Variants in CEP112 observed in about 807,000 individuals in gnomAD.
CEP112 encodes the protein centrosomal protein of 112 kDa.
In CEP112, 127 loss-of-function variants were observed where a neutral mutation model predicts 153.0. That is an observed-to-expected ratio of 0.83 (90% CI 0.72 to 0.96). The LOEUF (loss-of-function observed/expected upper bound fraction) is 0.96. CEP112 is among the 40% of genes least tolerant of loss of function. The probability of loss-of-function intolerance (pLI) is 0.00; values close to 1 mark genes in which losing one functional copy is unlikely to be tolerated. For synonymous variants in CEP112, 358 were observed against 374.4 expected (o/e 0.96, Z 0.51); for missense variants, 1,089 against 1,101.2 (o/e 0.99, Z 0.16).
At chr17:65,662,702 C>T (rs1050295791) in intron 24 of CEP112, among the ~76,000 whole-genome samples, 5 of 152,016 alleles carry the variant, frequency 3.3e-5, no homozygotes, top group African/African-American at 9.7e-5. Flanking sequence ...CTTCAAATGG[C>T]AGAAAAAATT....
At chr17:66,101,590 C>T (rs1278844891) in intron 6 of CEP112, among the ~76,000 whole-genome samples, 1 of 151,036 alleles carries the variant, frequency 6.6e-6, no homozygotes, top group Non-Finnish European at 1.5e-5. Context: ...TACTGTTGTA[C>T]TATTCTTTTT....
At chr17:65,805,808 A>G (rs71379946) in intron 21 of CEP112, among the ~76,000 whole-genome samples, 4,049 of 152,328 alleles carry the variant, frequency 0.027, 95 homozygotes, top group Middle Eastern at 0.068. Flanking sequence ...ATTTTGCCAT[A>G]GAATCTCTCA....
intron 18 of CEP112, among the ~76,000 whole-genome samples, chr17:65,959,112 T>C (rs965228208): frequency 7.9e-5 from 12 of 151,812 alleles, no homozygotes; most frequent in African/African-American, 2.9e-4. Context: ...CAGCTGCAGA[T>C]AGGAGCAACC....
At chr17:66,037,981 G>C (rs2065806934) in intron 12 of CEP112, among the ~76,000 whole-genome samples, 1 of 151,828 alleles carries the variant, frequency 6.6e-6, no homozygotes, top group Non-Finnish European at 1.5e-5. Context: ...TGTCTGTGAA[G>C]GCTGACATAA....
intron 18 of CEP112, among the ~76,000 whole-genome samples, chr17:65,932,245 G>C (rs1051311470): frequency 1.3e-5 from 2 of 152,120 alleles, no homozygotes; most frequent in Non-Finnish European, 2.9e-5. Context: ...TCTTAGGCTA[G>C]ACTAAATATT....
At chr17:66,129,170 C>T (rs1228815312) in intron 6 of CEP112, among the ~76,000 whole-genome samples, 1 of 152,132 alleles carries the variant, frequency 6.6e-6, no homozygotes, top group African/African-American at 2.4e-5. Flanking sequence ...AGCTCCAATG[C>T]AACGCAGCCT....
chr17:66,077,177 C>T (rs1020486802), intron 8 of CEP112, among the ~76,000 whole-genome samples: 2 of 151,988 alleles, frequency 1.3e-5, no homozygotes, highest in African/African-American at 4.8e-5. Context: ...ACTAGCTCAC[C>T]AGCAATGGAT....
intron 19 of CEP112, 93 bp downstream of exon 19, chr17:65,927,488 TC>T: frequency 1.4e-6 from 1 of 693,156 alleles, no homozygotes; most frequent in Non-Finnish European, 2.4e-6. Flanking sequence ...AGTAATATTT[TC>T]ATTATGCAGA....
At chr17:66,132,882 A>G in intron 4 of CEP112, 119 bp from the exon 5 acceptor site, 1 of 741,158 alleles carries the variant, frequency 1.3e-6, no homozygotes, top group Admixed American at 2.3e-5. Context: ...ATTAACAATG[A>G]TGTTCCATAG....
intron 24 of CEP112, among the ~76,000 whole-genome samples, chr17:65,687,216 G>A (rs1254928542): frequency 7.1e-6 from 1 of 141,602 alleles, no homozygotes; most frequent in African/African-American, 2.7e-5. Flanking sequence ...TCCTAGGCTG[G>A]AGCGCAGTGG....
chr17:65,896,993 T>C (rs1409929642), intron 20 of CEP112, among the ~76,000 whole-genome samples: 1 of 152,070 alleles, frequency 6.6e-6, no homozygotes, highest in Non-Finnish European at 1.5e-5. Context: ...TACATTGCAG[T>C]AAAGCCCACT....
intron 19 of CEP112, among the ~76,000 whole-genome samples, chr17:65,910,406 A>G (rs1397328487): frequency 6.6e-6 from 1 of 152,186 alleles, no homozygotes; most frequent in Non-Finnish European, 1.5e-5. Flanking sequence ...AAACTAGAGA[A>G]ACATTAATTA....
chr17:66,186,190 C>G (rs898237654), intron 1 of CEP112, among the ~76,000 whole-genome samples: 9 of 152,180 alleles, frequency 5.9e-5, no homozygotes, highest in African/African-American at 2.2e-4. Flanking sequence ...CCTCATGAGG[C>G]TCAACGCTCC....
intron 21 of CEP112, among the ~76,000 whole-genome samples, chr17:65,764,092 G>A (rs2052785395): frequency 6.6e-6 from 1 of 151,998 alleles, no homozygotes; most frequent in South Asian, 2.1e-4. Flanking sequence ...CAAGAATGGA[G>A]GGATCTGGAC....
chr17:65,750,698 C>T lies in CEP112; in HGVS notation c.2421G>A (p.Glu807=), dbSNP rs1438171207. 1.2e-5 allele frequency: 19 copies of T among 1,613,912 alleles called. No homozygotes were observed. The highest frequency in any genetic ancestry group is 1.6e-5 in the Non-Finnish European group (19 of 1,179,970). Reference sequence around the variant, plus strand: ...TGGCAAGCTTCTGAGTGTATTCCTTCTCAATCTGCTTCAGCTTGCTGTTGG... The same window carrying T: ...TGGCAAGCTTCTGAGTGTATTCCTTTTCAATCTGCTTCAGCTTGCTGTTGG... ...EKANSKLKQI[E]KEYTQKLAKS... The change falls in exon 22 of 27, where the codon GAG becomes GAA. Residue 807 remains glutamate (E), a synonymous_variant. Transcript: ENST00000535342.
chr17:65,741,554 C>T (rs1410564917), intron 23 of CEP112, among the ~76,000 whole-genome samples: 3 of 150,734 alleles, frequency 2.0e-5, no homozygotes, highest in Non-Finnish European at 4.4e-5. Context: ...ATAATTAAAA[C>T]TGTAAGAATT....
At chr17:65,847,546 C>T (rs926637703) in intron 21 of CEP112, among the ~76,000 whole-genome samples, 2 of 152,180 alleles carry the variant, frequency 1.3e-5, no homozygotes, top group Non-Finnish European at 1.5e-5. Flanking sequence ...TGCTTGACTT[C>T]CTTCCTCCAT....
rs2062667660 is a variant in CEP112, at chr17:65,970,431, CACACATCATGCATG to C, written c.1737-8847_1737-8834del. 3.9e-5 allele frequency among the ~76,000 whole-genome samples: 4 copies of C among 102,750 alleles called. No individual in the cohort carries two copies. In the Admixed American group the frequency reaches 4.7e-4, roughly 12 times the overall value. The allele number at this position is 102,750 out of a possible 152,430, so 67.4% of individuals were successfully genotyped here. Reference sequence around the variant, plus strand: ...ATCATGCATGTATATTACATGCATGCACACATCATGCATGTATATTACATGCATGCACACATGCA... The same window carrying C: ...ATCATGCATGTATATTACATGCATGCTATATTACATGCATGCACACATGCA... On this transcript the variant is annotated intron_variant, in intron 17 of 26. Coordinates refer to ENST00000535342, the MANE Select transcript of CEP112 (RefSeq NM_001199165.4).
chr17:65,854,005 C>A (rs2146329589), intron 20 of CEP112, among the ~76,000 whole-genome samples: 1 of 152,324 alleles, frequency 6.6e-6, no homozygotes, highest in Non-Finnish European at 1.5e-5. Flanking sequence ...ATATCCTATA[C>A]ATGCCTATCA....
Sources: gnomAD v4.1 joint callset for allele counts (sites outside exome capture counted in the v4.1 genomes callset) on GRCh38, gnomAD v4.1.1 for gene constraint, MANE v1.5 for transcripts, NCBI Gene and HGNC (gene_info 2026-07-23, HGNC 2026-07-21) for gene names.